The following SLC7A11 variants were observed in gnomAD, a reference collection of about 807,000 sequenced individuals.
The protein encoded by SLC7A11 is cystine/glutamate transporter.
SLC7A11 carries 35 observed loss-of-function variants against 54.5 expected under a neutral mutation model. That is an observed-to-expected ratio of 0.64 (90% CI 0.49 to 0.85). The LOEUF (loss-of-function observed/expected upper bound fraction) is 0.85. Ranked by LOEUF, SLC7A11 falls within the 40% of genes least tolerant of loss-of-function variation. SLC7A11 has a pLI of 0.00. For synonymous variants in SLC7A11, 230 were observed against 225.2 expected (o/e 1.02, Z -0.19); for missense variants, 583 against 618.1 (o/e 0.94, Z 0.60).
intron 10 of SLC7A11, among the ~76,000 whole-genome samples, chr4:138,180,187 G>A (rs933312478): frequency 4.6e-5 from 7 of 152,068 alleles, no homozygotes; most frequent in Admixed American, 1.3e-4. Flanking sequence ...AAAGAGCAAT[G>A]TAACAAGTCA....
intron 6 of SLC7A11, among the ~76,000 whole-genome samples, chr4:138,200,285 AT>A (rs1331742262): frequency 1.3e-5 from 2 of 152,170 alleles, no homozygotes; most frequent in African/African-American, 4.8e-5. Flanking sequence ...TCCTTATAAT[AT>A]TCTAACATTT....
At chr4:138,219,196 G>T in intron 5 of SLC7A11, 70 bp downstream of exon 5, 1 of 851,340 alleles carries the variant, frequency 1.2e-6, no homozygotes, top group Non-Finnish European at 2.0e-6. Flanking sequence ...ACCTTGCTTG[G>T]CACTTAATCT....
At chr4:138,191,295 G>A (rs1578641269) in intron 6 of SLC7A11, among the ~76,000 whole-genome samples, 2 of 152,118 alleles carry the variant, frequency 1.3e-5, no homozygotes. Flanking sequence ...CCACGGCAAG[G>A]CTATGGGTGT....
At chr4:138,228,317 A>G (rs1458636704) in intron 3 of SLC7A11, among the ~76,000 whole-genome samples, 1 of 152,174 alleles carries the variant, frequency 6.6e-6, no homozygotes, top group Admixed American at 6.5e-5. Flanking sequence ...TATTTTTATT[A>G]TAATATTCTG....
At chr4:138,176,491 A>G (rs1001744701) in intron 11 of SLC7A11, 3 of 152,224 alleles carry the variant, frequency 2.0e-5, no homozygotes, top group African/African-American at 7.2e-5. Flanking sequence ...ACCAAAAGAC[A>G]TCAATGAAGG....
chr4:138,225,056 C>T (rs898022426), intron 3 of SLC7A11, among the ~76,000 whole-genome samples: 1 of 147,276 alleles, frequency 6.8e-6, no homozygotes, highest in Non-Finnish European at 1.5e-5. Context: ...AATGTTCTCA[C>T]CACAGAACAA....
At chr4:138,213,497 G>C (rs1317771156) in intron 6 of SLC7A11, among the ~76,000 whole-genome samples, 3 of 150,638 alleles carry the variant, frequency 2.0e-5, no homozygotes, top group Admixed American at 6.6e-5. Context: ...CTTTTTCCTA[G>C]AAATCAGTGT....
intron 6 of SLC7A11, among the ~76,000 whole-genome samples, chr4:138,203,486 G>A (rs1310748191): frequency 4.0e-5 from 6 of 151,314 alleles, no homozygotes; most frequent in East Asian, 3.9e-4. Context: ...TGCATAGTAC[G>A]TAAACACTAT....
intron 11 of SLC7A11, among the ~76,000 whole-genome samples, chr4:138,175,342 TC>T (rs1736543696): frequency 6.6e-6 from 1 of 152,074 alleles, no homozygotes; most frequent in African/African-American, 2.4e-5. Flanking sequence ...TCTATCTCTC[TC>T]CCTGAGCAGG....
intron 3 of SLC7A11, among the ~76,000 whole-genome samples, chr4:138,226,498 T>C (rs1241515909): frequency 1.2e-4 from 19 of 152,134 alleles, no homozygotes; most frequent in South Asian, 4.1e-4. Flanking sequence ...CATTATTTGG[T>C]ACACTAAATT....
intron 6 of SLC7A11, among the ~76,000 whole-genome samples, chr4:138,185,634 T>C (rs1736858913): frequency 6.6e-6 from 1 of 152,174 alleles, no homozygotes; most frequent in South Asian, 2.1e-4. Context: ...ATTCCTTATA[T>C]GTTCCTAGGT....
chr4:138,170,885 T>A lies in SLC7A11; in HGVS notation c.*1071A>T, dbSNP rs867512647. On this transcript the variant is annotated 3_prime_UTR_variant, in exon 12 of 12. Coordinates refer to ENST00000280612, the MANE Select transcript of SLC7A11 (RefSeq NM_014331.4). ...ATCTGGACAGTTTCATCTGAAGAGATATTTTAACAGAAGAATATAAAATGT... is the reference window on the plus strand; with the variant it reads ...ATCTGGACAGTTTCATCTGAAGAGAAATTTTAACAGAAGAATATAAAATGT... 6.6e-6 allele frequency: 1 copy of A among 152,184 alleles called. No homozygotes were observed. Among genetic ancestry groups the A allele is most frequent in the Non-Finnish European group, 1.5e-5 (1 of 68,036 alleles). The allele number at this position is 152,184 out of a possible 1,614,324, so 9.4% of individuals were successfully genotyped here. A position where few individuals can be genotyped will look rare whatever the true frequency, so the allele number is the denominator to read the frequency against.
intron 6 of SLC7A11, among the ~76,000 whole-genome samples, chr4:138,200,740 T>G (rs1187458975): frequency 3.3e-5 from 5 of 152,160 alleles, no homozygotes; most frequent in African/African-American, 9.7e-5. Context: ...CTCCTAACTC[T>G]AACATCACAG....
At chr4:138,183,029 CTAATGGACAGAATAA>C (rs1296942574) in intron 8 of SLC7A11, among the ~76,000 whole-genome samples, 158 bp downstream of exon 8, 4 of 152,086 alleles carry the variant, frequency 2.6e-5, no homozygotes, top group Non-Finnish European at 5.9e-5. Context: ...GCAGTGCCCT[CTAATGGACAGAATAA>C]AACGTGCTGT....
Position 138,171,970 on chromosome 4 carries a change from C to T in SLC7A11, c.1492G>A (p.Glu498Lys). The T allele has an allele frequency of 2.5e-6, 4 of 1,596,836 alleles. No individual in the cohort carries two copies. The Middle Eastern group carries it at 6.6e-4, about 265-fold the overall frequency. Residue 498 changes from glutamate (E) to lysine (K), a missense_variant, in exon 12 of 12, where the codon GAA (glutamate) becomes AAA (lysine). Transcript: ENST00000280612. ...LQIILEVVPE[E>K]DKL ...AGTCCATTAGTTCATAACTTATCTT[C>T]TTCTGGTACAACTTCCAGTATTATT... is the stretch of plus-strand genomic sequence containing the variant.
In SLC7A11 at chr4:138,232,355, C is replaced by T. The variant is rs750091615; in HGVS notation, c.432G>A (p.Leu144=). ...GTTCCAGAATGTAGCGTCCAAATGC[C>T]AGGGATATCACAGCAGTAGCTGCAG... is the stretch of plus-strand genomic sequence containing the variant. The part of the protein sequence containing the change: ...IRPAATAVIS[L]AFGRYILEPF... Residue 144 remains leucine (L), a synonymous_variant, in exon 3 of 12, where the codon CTG becomes CTA. Transcript: ENST00000280612. 1.2e-6 allele frequency: 2 copies of T among 1,612,406 alleles called. No individual in the cohort carries two copies. Among genetic ancestry groups the T allele is most frequent in the Non-Finnish European group, 1.7e-6 (2 of 1,178,606 alleles).
rs200429732 is a variant in SLC7A11, at chr4:138,236,326, G to T, written c.403C>A (p.Arg135Ser). ...TAATTCTTTCTACTATGCTCTTACCGTATTATGAGGAGTTCCACCCAGACT... is the reference window on the plus strand; with the variant it reads ...TAATTCTTTCTACTATGCTCTTACCTTATTATGAGGAGTTCCACCCAGACT... ...VRVWVELLII[R>S]PAATAVISLA... is the part of the protein sequence containing the mutation. Residue 135 changes from arginine (R) to serine (S), a missense_variant and splice_region_variant, in exon 2 of 12, where the codon CGC becomes AGC. Physicochemically the swap from Arg to Ser is moderately radical, Grantham distance 110. Coordinates refer to ENST00000280612, the MANE Select transcript of SLC7A11 (RefSeq NM_014331.4). The T allele has an allele frequency of 6.2e-7, 1 of 1,604,954 alleles. No individual in the cohort carries two copies. The highest frequency in any genetic ancestry group is 8.5e-7 in the Non-Finnish European group (1 of 1,176,996).
chr4:138,181,916 G>A (rs981845414), intron 9 of SLC7A11, among the ~76,000 whole-genome samples: 1 of 152,096 alleles, frequency 6.6e-6, no homozygotes, highest in African/African-American at 2.4e-5. Context: ...GTGCCTAGAT[G>A]ATACATCTGG....
chr4:138,166,676 C>T lies in SLC7A11; in HGVS notation c.*5280G>A, dbSNP rs1560711405. 6.6e-6 allele frequency: 1 copy of T among 152,498 alleles called. No homozygotes were observed. Among genetic ancestry groups the T allele is most frequent in the Non-Finnish European group, 1.5e-5 (1 of 68,024 alleles). The allele number at this position is 152,498 out of a possible 1,614,324, so 9.4% of individuals were successfully genotyped here. A position where few individuals can be genotyped will look rare whatever the true frequency, so the allele number is the denominator to read the frequency against. On this transcript the variant is annotated 3_prime_UTR_variant, in exon 12 of 12. Transcript: ENST00000280612. ...ATTGTTAACTGTAAAGCTGTAAAGG[C>T]GGTTATTGGTACTATAAATGTACAC...
Sources: gnomAD v4.1 joint callset for allele counts (sites outside exome capture counted in the v4.1 genomes callset) on GRCh38, gnomAD v4.1.1 for gene constraint, MANE v1.5 for transcripts, NCBI Gene and HGNC (gene_info 2026-07-23, HGNC 2026-07-21) for gene names.